The following KCNH8 variants were observed in gnomAD, a reference collection of about 807,000 sequenced individuals.
The protein encoded by KCNH8 is voltage-gated delayed rectifier potassium channel KCNH8.
Under a neutral mutation model 103.6 loss-of-function variants are expected in KCNH8, and 70 were observed. The observed-to-expected ratio is 0.68, with a 90% confidence interval of 0.56 to 0.82. The LOEUF is 0.82. KCNH8 is among the 40% of genes least tolerant of loss of function. The pLI is 0.00. For synonymous variants in KCNH8, 498 were observed against 489.4 expected, an observed-to-expected ratio of 1.02 and a Z score of -0.23; for missense variants, 1,217 against 1,329.9, an observed-to-expected ratio of 0.92 and a Z score of 1.32.
At chr3:19,334,208 G>A (rs2065550704) in intron 3 of KCNH8, among the ~76,000 whole-genome samples, 1 of 152,160 alleles carries the variant, frequency 6.6e-6, no homozygotes, top group South Asian at 2.1e-4. Context: ...AGGCCTAAGA[G>A]GTGATGGTTC....
intron 2 of KCNH8, among the ~76,000 whole-genome samples, chr3:19,262,620 A>G (rs956365629): frequency 2.0e-5 from 3 of 152,014 alleles, no homozygotes; most frequent in African/African-American, 7.2e-5. Flanking sequence ...AGAGCAAAAG[A>G]TGTCATGCCC....
At chr3:19,192,742 A>G (rs939172793) in intron 1 of KCNH8, among the ~76,000 whole-genome samples, 4 of 151,596 alleles carry the variant, frequency 2.6e-5, no homozygotes, top group Non-Finnish European at 4.4e-5. Flanking sequence ...GTAACTGATT[A>G]TATTTTTTTC....
chr3:19,193,834 C>A (rs1298793288), intron 1 of KCNH8, among the ~76,000 whole-genome samples: 1 of 151,666 alleles, frequency 6.6e-6, no homozygotes, highest in Non-Finnish European at 1.5e-5. Context: ...TAAGTATTAG[C>A]ACTTCTCTCT....
intron 5 of KCNH8, among the ~76,000 whole-genome samples, chr3:19,369,539 A>G (rs2066059028): frequency 6.6e-6 from 1 of 152,008 alleles, no homozygotes; most frequent in Non-Finnish European, 1.5e-5. Flanking sequence ...GTGGCCCCCA[A>G]AACAGTATCT....
At chr3:19,503,639 T>G (rs545624204) in intron 11 of KCNH8, among the ~76,000 whole-genome samples, 94 of 152,094 alleles carry the variant, frequency 6.2e-4, no homozygotes, top group African/African-American at 4.3e-4. Flanking sequence ...GGACATGGAT[T>G]AAATTGGAAA....
intron 11 of KCNH8, among the ~76,000 whole-genome samples, chr3:19,485,793 G>C (rs2068194054): frequency 6.6e-6 from 1 of 152,178 alleles, no homozygotes; most frequent in African/African-American, 2.4e-5. Context: ...AGGCTCGCTG[G>C]TGTCCCCTGT....
intron 11 of KCNH8, among the ~76,000 whole-genome samples, chr3:19,489,434 G>T (rs1363357955): frequency 6.6e-6 from 1 of 152,078 alleles, no homozygotes; most frequent in Non-Finnish European, 1.5e-5. Flanking sequence ...GAATCTATAT[G>T]TATATACGGG....
chr3:19,410,839 G>C lies in KCNH8; in HGVS notation c.1177+15528G>C, dbSNP rs548556848. Among the ~76,000 whole-genome samples the C allele has an allele frequency of 4.9e-5, 7 of 143,486 alleles. No individual in the cohort carries two copies. The South Asian group carries it at 1.5e-3, about 32-fold the overall frequency. The allele number at this position is 143,486 out of a possible 152,430, so 94.1% of individuals were successfully genotyped here. ...AATGAACACTGAACGCACCAATATT[G>C]AGTTCCAAAATTGAATCAGTAATAA... On this transcript the variant is annotated intron_variant, in intron 7 of 15. Transcript: ENST00000328405.
At chr3:19,153,442 C>G (rs1220084575) in intron 1 of KCNH8, among the ~76,000 whole-genome samples, 1 of 151,908 alleles carries the variant, frequency 6.6e-6, no homozygotes, top group Non-Finnish European at 1.5e-5. Context: ...CCTCTTCTGG[C>G]CAATGAGACT....
At chr3:19,417,146 G>T (rs2066876081) in intron 7 of KCNH8, among the ~76,000 whole-genome samples, 1 of 148,190 alleles carries the variant, frequency 6.7e-6, no homozygotes, top group African/African-American at 2.5e-5. Flanking sequence ...ATATATATTT[G>T]GAAGATATAT....
At chr3:19,234,057 C>T (rs968032949) in intron 1 of KCNH8, among the ~76,000 whole-genome samples, 1 of 152,166 alleles carries the variant, frequency 6.6e-6, no homozygotes, top group African/African-American at 2.4e-5. Context: ...CTGCTGGCAC[C>T]GGCAGCCTGC....
At chr3:19,405,586 C>A (rs1481996213) in intron 7 of KCNH8, among the ~76,000 whole-genome samples, 3 of 151,798 alleles carry the variant, frequency 2.0e-5, no homozygotes, top group African/African-American at 7.2e-5. Context: ...GCATTATCAT[C>A]GACGCTTGAT....
intron 1 of KCNH8, among the ~76,000 whole-genome samples, chr3:19,226,745 A>AC (rs1300423795): frequency 6.6e-6 from 1 of 151,578 alleles, no homozygotes; most frequent in African/African-American, 2.4e-5. Context: ...TTCACAAAAG[A>AC]CCCCCTAGGA....
At chr3:19,281,816 A>T (rs186331122) in intron 3 of KCNH8, among the ~76,000 whole-genome samples, 1 of 152,192 alleles carries the variant, frequency 6.6e-6, no homozygotes, top group East Asian at 1.9e-4. Context: ...CCTGTACCTT[A>T]TTGTATATAA....
At chr3:19,470,488 G>A (rs2067832964) in intron 11 of KCNH8, among the ~76,000 whole-genome samples, 1 of 152,158 alleles carries the variant, frequency 6.6e-6, no homozygotes, top group African/African-American at 2.4e-5. Flanking sequence ...AGAGTAAGGT[G>A]GACTTTCTTA....
intron 1 of KCNH8, among the ~76,000 whole-genome samples, chr3:19,175,439 G>T (rs1441498773): frequency 6.6e-6 from 1 of 152,032 alleles, no homozygotes; most frequent in Non-Finnish European, 1.5e-5. Flanking sequence ...TCGATCTCCT[G>T]ACCTCGTGAT....
chr3:19,530,731 G>A (rs918734672), intron 15 of KCNH8, among the ~76,000 whole-genome samples: 9 of 152,048 alleles, frequency 5.9e-5, no homozygotes, highest in East Asian at 1.9e-4. Flanking sequence ...TGCTCTTTAC[G>A]TTCTGACTAC....
At chr3:19,373,101 G>C (rs961921139) in intron 5 of KCNH8, among the ~76,000 whole-genome samples, 1 of 151,872 alleles carries the variant, frequency 6.6e-6, no homozygotes, top group African/African-American at 2.4e-5. Context: ...GCCCGGCTTT[G>C]GTATCAGAAT....
intron 11 of KCNH8, among the ~76,000 whole-genome samples, chr3:19,497,407 C>T (rs1050223758): frequency 1.2e-4 from 18 of 152,116 alleles, no homozygotes; most frequent in African/African-American, 2.4e-4. Context: ...CTCTTAACAC[C>T]GCCTTAGCTG....
Sources: gnomAD v4.1 joint callset for allele counts (sites outside exome capture counted in the v4.1 genomes callset) on GRCh38, gnomAD v4.1.1 for gene constraint, MANE v1.5 for transcripts, NCBI Gene and HGNC (gene_info 2026-07-23, HGNC 2026-07-21) for gene names.